NCAM1: variants seen among roughly 807,000 people sequenced by gnomAD.
NCAM1 encodes neural cell adhesion molecule 1, also known as antigen recognized by monoclonal antibody 5.1H11.
A neutral mutation model predicts 109.8 loss-of-function variants in NCAM1; 14 were observed. The ratio of observed to expected loss-of-function variants is 0.13; its 90% CI spans 0.08 to 0.20. The LOEUF is 0.20. Ranked by LOEUF, NCAM1 falls within the 10% of genes least tolerant of loss-of-function variation. The pLI is 1.00. For synonymous variants in NCAM1, 418 were observed against 442.9 expected, an observed-to-expected ratio of 0.94 and a Z score of 0.70; for missense variants, 774 against 1,109.9, an observed-to-expected ratio of 0.70 and a Z score of 4.30.
intron 13 of NCAM1, among the ~76,000 whole-genome samples, chr11:113,234,576 C>G (rs530590591): frequency 6.6e-6 from 1 of 152,218 alleles, no homozygotes; most frequent in Non-Finnish European, 1.5e-5. Flanking sequence ...TTTTATTTCA[C>G]TTAGCATAAT....
chr11:113,268,792 TC>T (rs1946199332), intron 17 of NCAM1, among the ~76,000 whole-genome samples: 2 of 152,302 alleles, frequency 1.3e-5, no homozygotes, highest in Non-Finnish European at 2.9e-5. Flanking sequence ...GTTACATGGC[TC>T]GCAAGCTGCT....
chr11:113,216,820 C>T (rs1367046323), intron 8 of NCAM1, among the ~76,000 whole-genome samples: 3 of 152,108 alleles, frequency 2.0e-5, no homozygotes, highest in Non-Finnish European at 4.4e-5. Flanking sequence ...GTCAAAGAGG[C>T]GTATTGTCCA....
At chr11:113,029,675 G>T (rs1952656886) in intron 1 of NCAM1, among the ~76,000 whole-genome samples, 1 of 152,154 alleles carries the variant, frequency 6.6e-6, no homozygotes, top group South Asian at 2.1e-4. Context: ...CACTTTAGAA[G>T]AAAGTATTTT....
At chr11:113,035,136 C>G (rs1201800176) in intron 1 of NCAM1, among the ~76,000 whole-genome samples, 1 of 152,060 alleles carries the variant, frequency 6.6e-6, no homozygotes, top group African/African-American at 2.4e-5. Flanking sequence ...GTTACAAAAC[C>G]CATACATTCC....
At chr11:113,010,368 G>A (rs1555074167) in intron 1 of NCAM1, among the ~76,000 whole-genome samples, 1 of 152,112 alleles carries the variant, frequency 6.6e-6, no homozygotes, top group African/African-American at 2.4e-5. Context: ...AGTCAGATGG[G>A]CTTTTAATAA....
At chr11:113,043,829 C>T (rs1437924184) in intron 1 of NCAM1, among the ~76,000 whole-genome samples, 4 of 152,168 alleles carry the variant, frequency 2.6e-5, no homozygotes, top group Admixed American at 1.3e-4. Context: ...GCAGGGCCCC[C>T]GCCTGACACA....
rs540167288 is a variant in NCAM1 at position 113,174,604 on chromosome 11, T to C, written c.53-27775T>C. Among the ~76,000 whole-genome samples the C allele has an allele frequency of 3.7e-4, 56 of 152,352 alleles. No individual in the cohort carries two copies. In the South Asian group the frequency reaches 4.1e-3, roughly 11 times the overall value. ...GCCAGAGACATGGAATGTCCCTACC[T>C]GGCTCATCTGACCACCCATGGCTAG... On this transcript the variant is annotated intron_variant, in intron 1 of 19. Transcript: ENST00000316851.
Position 113,018,317 on chromosome 11 carries a change from CT to C in NCAM1, c.52+56664del, listed in dbSNP as rs1308866647. Among the ~76,000 whole-genome samples, 615 of 143,244 alleles carry C rather than the reference CT, an allele frequency of 4.3e-3. 2 individuals are homozygous for C. The highest frequency in any genetic ancestry group is 0.01 in the African/African-American group (411 of 39,376). 94.0% of individuals were successfully genotyped at this position (143,244 alleles called of 152,430 possible). A position where few individuals can be genotyped will look rare whatever the true frequency, so the allele number is the denominator to read the frequency against. On this transcript the variant is annotated intron_variant, in intron 1 of 19. Transcript: ENST00000316851. ...CTCTTACTTTTACATTTTTTAAAAC[CT>C]TTTTTTTTTTGCCTGAAAGAAGTGG...
In NCAM1 at chr11:113,273,717, A is replaced by G. The variant is rs1028182527; in HGVS notation, c.2457-1550A>G. 6.7e-6 allele frequency: 3 copies of G among 450,934 alleles called. No individual in the cohort carries two copies. Among genetic ancestry groups the G allele is most frequent in the African/African-American group, 6.0e-5 (3 of 49,836 alleles). The allele number at this position is 450,934 out of a possible 1,614,324, so 27.9% of individuals were successfully genotyped here. A position where few individuals can be genotyped will look rare whatever the true frequency, so the allele number is the denominator to read the frequency against. On this transcript the variant is annotated intron_variant, in intron 19 of 19. Coordinates refer to ENST00000316851, the MANE Select transcript of NCAM1 (RefSeq NM_181351.5). This position sits in a 1 kb window ranked among gnomAD's most constrained non-coding sequence, Gnocchi z 6.0. ...TGAGCTTGCTCCTTCCACTGCAGAC[A>G]GCTCTGTTTCGCCTGCGCCAGCAAA...
intron 9 of NCAM1, among the ~76,000 whole-genome samples, chr11:113,228,111 G>C (rs1281968690): frequency 6.6e-6 from 1 of 152,178 alleles, no homozygotes; most frequent in Non-Finnish European, 1.5e-5. Context: ...GGAAATAAAG[G>C]TTATTCAAGT....
rs146321017 is a variant in NCAM1, at chr11:113,094,607, A to G, written c.53-107772A>G. ...GAGGCCCATGTCTGGGTGTCATTCCATGTTTCACAAGCACTTAGGGCTTGT... is the reference window on the plus strand; with the variant it reads ...GAGGCCCATGTCTGGGTGTCATTCCGTGTTTCACAAGCACTTAGGGCTTGT... On this transcript the variant is annotated intron_variant, in intron 1 of 19. Coordinates refer to ENST00000316851, the MANE Select transcript of NCAM1 (RefSeq NM_181351.5). Among the ~76,000 whole-genome samples, 35 of 152,172 alleles carry G rather than the reference A, an allele frequency of 2.3e-4. No individual in the cohort carries two copies. In the East Asian group the frequency reaches 2.5e-3, roughly 11 times the overall value.
chr11:113,183,902 T>C (rs1591394969), intron 1 of NCAM1, among the ~76,000 whole-genome samples: 1 of 152,202 alleles, frequency 6.6e-6, no homozygotes, highest in African/African-American at 2.4e-5. Flanking sequence ...AAAGATTGTA[T>C]AGGAAAATGT....
intron 16 of NCAM1, 47 bp downstream of exon 16, chr11:113,256,048 C>T (rs1224937286): frequency 6.4e-7 from 1 of 1,563,216 alleles, no homozygotes; most frequent in Non-Finnish European, 8.7e-7. Flanking sequence ...GCAACCCTGG[C>T]ACCCAGCTTG....
chr11:113,255,718 A>C (rs1282862482), intron 15 of NCAM1, among the ~76,000 whole-genome samples, 159 bp from the exon 16 acceptor site: 2 of 151,584 alleles, frequency 1.3e-5, no homozygotes, highest in African/African-American at 2.4e-5. Flanking sequence ...TGAGGCATCT[A>C]CCTGGAATTC....
chr11:113,074,734 C>A (rs148296954), intron 1 of NCAM1, among the ~76,000 whole-genome samples: 1 of 152,124 alleles, frequency 6.6e-6, no homozygotes, highest in African/African-American at 2.4e-5. Context: ...CAGGTTCAAG[C>A]GATTCTGCTG....
At chr11:113,110,629 G>T (rs77274299) in intron 1 of NCAM1, among the ~76,000 whole-genome samples, 1 of 152,170 alleles carries the variant, frequency 6.6e-6, no homozygotes, top group Admixed American at 6.5e-5. Flanking sequence ...GGTGGCTGGT[G>T]TTTACTATTA....
intron 8 of NCAM1, among the ~76,000 whole-genome samples, chr11:113,220,602 CTTTTTTT>C (rs1175342641): frequency 1.3e-3 from 96 of 75,590 alleles, no homozygotes; most frequent in South Asian, 0.013. Flanking sequence ...CTCTCTCTCT[CTTTTTTT>C]TTTTTTTTTT....
chr11:113,157,394 C>A (rs1363909687), intron 1 of NCAM1, among the ~76,000 whole-genome samples: 2 of 152,150 alleles, frequency 1.3e-5, no homozygotes, highest in African/African-American at 4.8e-5. Context: ...ACAACTTTTT[C>A]TTTGTATTGG....
At chr11:113,023,008 G>T (rs953934821) in intron 1 of NCAM1, among the ~76,000 whole-genome samples, 4 of 152,186 alleles carry the variant, frequency 2.6e-5, no homozygotes, top group African/African-American at 9.7e-5. Flanking sequence ...AAAGGACAGA[G>T]AATGTAGGCT....
Sources: allele counts gnomAD v4.1 joint callset (sites outside exome capture counted in the v4.1 genomes callset), GRCh38; gene constraint gnomAD v4.1.1; non-coding constraint Gnocchi (gnomAD v3.1); transcripts MANE v1.5; gene names NCBI Gene and HGNC (gene_info 2026-07-23, HGNC 2026-07-21).